SLC39A11: variants seen among roughly 807,000 people sequenced by gnomAD.
SLC39A11 encodes solute carrier family 39 member 11.
In SLC39A11, 33 loss-of-function variants were observed where a neutral mutation model predicts 36.1. The observed-to-expected ratio is 0.91, with a 90% CI of 0.69 to 1.22. SLC39A11 has a LOEUF of 1.22. Among genes scored for constraint, SLC39A11 ranks in the 50% most tolerant of loss-of-function variants. The probability of loss-of-function intolerance (pLI) is 0.00; values close to 1 mark genes in which losing one functional copy is unlikely to be tolerated. For synonymous variants in SLC39A11, 166 were observed against 170.3 expected, an observed-to-expected ratio of 0.97 and a Z score of 0.20; for missense variants, 432 against 430.3, an observed-to-expected ratio of 1.00 and a Z score of -0.03.
intron 5 of SLC39A11, among the ~76,000 whole-genome samples, chr17:72,917,195 C>G (rs943981116): frequency 6.6e-6 from 1 of 152,232 alleles, no homozygotes; most frequent in South Asian, 2.1e-4. Flanking sequence ...GATGCACACA[C>G]GTGGTTAACA....
intron 5 of SLC39A11, among the ~76,000 whole-genome samples, chr17:72,938,749 C>G (rs2084919790): frequency 6.6e-6 from 1 of 152,154 alleles, no homozygotes; most frequent in Non-Finnish European, 1.5e-5. Context: ...TTCTGTTTCC[C>G]TAAAGCACAT....
chr17:72,698,669 A>G (rs2072438333), intron 7 of SLC39A11, among the ~76,000 whole-genome samples: 1 of 152,116 alleles, frequency 6.6e-6, no homozygotes, highest in South Asian at 2.1e-4. Context: ...CATTCAGCAA[A>G]TATTTATTTG....
intron 5 of SLC39A11, among the ~76,000 whole-genome samples, chr17:72,939,129 C>T (rs1435199056): frequency 1.3e-5 from 2 of 152,108 alleles, no homozygotes; most frequent in African/African-American, 4.8e-5. Context: ...GAATACTGTC[C>T]CCCGCCAAAA....
intron 3 of SLC39A11, chr17:73,072,484 A>C (rs2060192564): frequency 6.6e-6 from 1 of 152,240 alleles, no homozygotes; most frequent in Non-Finnish European, 1.5e-5. Context: ...ATCACGGCAC[A>C]GAGAAGGTGA....
chr17:72,827,334 G>C (rs372093900), intron 6 of SLC39A11, among the ~76,000 whole-genome samples: 6 of 152,182 alleles, frequency 3.9e-5, no homozygotes, highest in Non-Finnish European at 7.3e-5. Flanking sequence ...TAGGGTTTGT[G>C]GGGGAGGAGC....
chr17:73,017,944 G>A (rs1296752601), intron 4 of SLC39A11, among the ~76,000 whole-genome samples: 3 of 152,136 alleles, frequency 2.0e-5, no homozygotes, highest in South Asian at 2.1e-4. Flanking sequence ...TGAGATGAAC[G>A]GAGATTCCAG....
At chr17:72,661,278 C>T (rs754681368) in intron 7 of SLC39A11, among the ~76,000 whole-genome samples, 13 of 152,172 alleles carry the variant, frequency 8.5e-5, no homozygotes, top group South Asian at 2.1e-4. Flanking sequence ...CCTGCTTGAG[C>T]GCAGATTGCT....
chr17:72,651,220 G>A (rs566016410), intron 7 of SLC39A11, among the ~76,000 whole-genome samples: 1 of 152,236 alleles, frequency 6.6e-6, no homozygotes, highest in East Asian at 1.9e-4. Flanking sequence ...GAGCCCCTCA[G>A]CATCTACCCA....
Position 73,037,463 on chromosome 17 carries a change from C to T in SLC39A11, c.148-5749G>A, listed in dbSNP as rs139650425. On this transcript the variant is annotated intron_variant, in intron 3 of 9. Coordinates refer to ENST00000255559, the MANE Select transcript of SLC39A11 (RefSeq NM_139177.4). The stretch of plus-strand genomic sequence containing the variant: ...TATCCCTAAGAAGCAGGGCCTGGAA[C>T]GGGCAGGCCACAGAGGAGAAGGTGC... 4.6e-3 allele frequency among the ~76,000 whole-genome samples: 698 copies of T among 152,334 alleles called. 4 individuals are homozygous for T. The highest frequency in any genetic ancestry group is 0.016 in the African/African-American group (665 of 41,562).
chr17:72,687,406 G>A (rs1297209675), intron 7 of SLC39A11, among the ~76,000 whole-genome samples: 4 of 152,170 alleles, frequency 2.6e-5, no homozygotes, highest in African/African-American at 9.7e-5. Flanking sequence ...AACACGCCCA[G>A]CTAATTTTTT....
At chr17:72,930,665 C>T (rs1318069904) in intron 5 of SLC39A11, among the ~76,000 whole-genome samples, 1 of 152,184 alleles carries the variant, frequency 6.6e-6, no homozygotes, top group Non-Finnish European at 1.5e-5. Flanking sequence ...GTCACAGAGG[C>T]ACTGAGAAGG....
rs186422924 is a variant in SLC39A11 at position 72,935,829 on chromosome 17, C to T, written c.430+11923G>A. Among the ~76,000 whole-genome samples, 1,127 of 152,064 alleles carry T rather than the reference C, an allele frequency of 7.4e-3. 10 individuals carry two copies. Among genetic ancestry groups the T allele is most frequent in the African/African-American group, 0.025 (1,052 of 41,524 alleles). The stretch of plus-strand genomic sequence containing the variant: ...TGAACTCCTGACCTCGTGATCCACC[C>T]GCCTCAGCCTCCCAAAGTGCTGGGA... On this transcript the variant is annotated intron_variant, in intron 5 of 9. Transcript: ENST00000255559.
At chr17:72,695,786 A>G (rs1213017493) in intron 7 of SLC39A11, among the ~76,000 whole-genome samples, 2 of 152,224 alleles carry the variant, frequency 1.3e-5, no homozygotes, top group Non-Finnish European at 2.9e-5. Flanking sequence ...AGGCAGAGAC[A>G]GAGACCGGAA....
At chr17:72,801,765 T>A (rs750734502) in intron 6 of SLC39A11, among the ~76,000 whole-genome samples, 2 of 152,156 alleles carry the variant, frequency 1.3e-5, no homozygotes, top group Non-Finnish European at 2.9e-5. Flanking sequence ...AGTTCTATAA[T>A]TGGATTATGG....
intron 7 of SLC39A11, among the ~76,000 whole-genome samples, chr17:72,702,292 T>A (rs1035487035): frequency 2.8e-4 from 43 of 152,240 alleles, no homozygotes; most frequent in Admixed American, 1.4e-3. Flanking sequence ...GGCTGGCACA[T>A]AGTAGGCCTT....
At chr17:73,083,875 A>G (rs944994617) in intron 3 of SLC39A11, among the ~76,000 whole-genome samples, 2 of 152,260 alleles carry the variant, frequency 1.3e-5, no homozygotes, top group African/African-American at 4.8e-5. Flanking sequence ...ATGTTAGATC[A>G]TAAAAAGGAA....
At chr17:72,863,176 G>A (rs989797595) in intron 5 of SLC39A11, among the ~76,000 whole-genome samples, 1 of 152,138 alleles carries the variant, frequency 6.6e-6, no homozygotes, top group African/African-American at 2.4e-5. Context: ...CGGACCTCTT[G>A]CTAACTGTTT....
Position 72,647,678 on chromosome 17 carries a change from A to G in SLC39A11, c.930-16T>C, listed in dbSNP as rs746772672. The G allele has an allele frequency of 3.7e-6, 6 of 1,611,114 alleles. No individual in the cohort carries two copies. The African/African-American group carries it at 8.0e-5, about 22-fold the overall frequency. On this transcript the variant is annotated splice_polypyrimidine_tract_variant and intron_variant, in intron 9 of 9. Transcript: ENST00000255559. ...CCCATTACCACTGGAAGAGAAGGAC[A>G]GGAAGAAAAGTAAGACCTTAATGAT... is the stretch of plus-strand genomic sequence containing the variant.
intron 7 of SLC39A11, chr17:72,713,012 T>G (rs1437367364): frequency 6.6e-6 from 1 of 152,008 alleles, no homozygotes; most frequent in East Asian, 1.9e-4. Flanking sequence ...GAAAAGTCAG[T>G]GCCAATAAGG....
Sources: allele counts gnomAD v4.1 joint callset (sites outside exome capture counted in the v4.1 genomes callset), GRCh38; gene constraint gnomAD v4.1.1; transcripts MANE v1.5; gene names NCBI Gene and HGNC (gene_info 2026-07-23, HGNC 2026-07-21).